Variants in LAMC2 observed in about 807,000 individuals in gnomAD.
LAMC2 encodes the protein laminin subunit gamma 2.
A neutral mutation model predicts 140.2 loss-of-function variants in LAMC2; 97 were observed. The observed-to-expected ratio is 0.69, with a 90% CI of 0.59 to 0.82. The LOEUF is 0.82. Ranked by LOEUF, LAMC2 falls within the 40% of genes least tolerant of loss-of-function variation. The pLI is 0.00. For missense variants in LAMC2, 1,402 were observed against 1,476.1 expected, an observed-to-expected ratio of 0.95 and a Z score of 0.82; for synonymous variants, 513 against 540.2, an observed-to-expected ratio of 0.95 and a Z score of 0.70.
the LAMC2 span, chr1:183,252,677 G>A: frequency 6.2e-7 from 1 of 1,614,138 alleles, no homozygotes; most frequent in Non-Finnish European, 8.5e-7. Context: ...GGCTTTTGAG[G>A]ATGTAGTCGA....
Position 183,216,454 on chromosome 1 carries a change from C to G in LAMC2, c.404+866C>G, listed in dbSNP as rs540939011. Among the ~76,000 whole-genome samples the G allele has an allele frequency of 9.2e-5, 14 of 152,278 alleles. 1 individual carries two copies. In the South Asian group the frequency reaches 2.7e-3, roughly 29 times the overall value. ...TATCAAGGTCCTGCAAGGTCCTCCTCCCTCTCCACCCTCAGCCTAGGTGCC... is the reference window on the plus strand; with the variant it reads ...TATCAAGGTCCTGCAAGGTCCTCCTGCCTCTCCACCCTCAGCCTAGGTGCC... On this transcript the variant is annotated intron_variant, in intron 3 of 22. Coordinates refer to ENST00000264144, the MANE Select transcript of LAMC2 (RefSeq NM_005562.3).
chr1:183,226,915 A>T lies in LAMC2; in HGVS notation c.1284A>T (p.Thr428=). Residue 428 remains threonine (T), a splice_region_variant and synonymous_variant, in exon 9 of 23, where the codon ACA becomes ACT. Coordinates refer to ENST00000264144, the MANE Select transcript of LAMC2 (RefSeq NM_005562.3). ...GGGGAGGGGCCTGTGATCCAGACAC[A>T]GGTGAGTGAAATGACACCTGGACCA... The part of the protein sequence containing the change: ...CQGGGACDPD[T]GDCYSGDENP... 6.2e-7 allele frequency: 1 copy of T among 1,612,872 alleles called. No homozygotes were observed. Among genetic ancestry groups the T allele is most frequent in the Non-Finnish European group, 8.5e-7 (1 of 1,179,092 alleles).
chr1:183,234,759 G>C (rs1191793751), intron 15 of LAMC2, among the ~76,000 whole-genome samples: 1 of 152,186 alleles, frequency 6.6e-6, no homozygotes, highest in African/African-American at 2.4e-5. Context: ...GCCCTTGGAA[G>C]AGAAAGCTCT....
At chr1:183,255,508 G>A in the LAMC2 span, among the ~76,000 whole-genome samples, 2 of 151,852 alleles carry the variant, frequency 1.3e-5, no homozygotes, top group African/African-American at 4.8e-5. Context: ...ATTTCTTTAG[G>A]TAGCATGGAC....
chr1:183,245,387 T>G (rs1660220547), downstream of LAMC2, among the ~76,000 whole-genome samples: 1 of 152,236 alleles, frequency 6.6e-6, no homozygotes, highest in Non-Finnish European at 1.5e-5. Flanking sequence ...TTTGTAATCC[T>G]GTCTTGGCAT....
At chr1:183,245,532 A>G (rs752754403), downstream of LAMC2, among the ~76,000 whole-genome samples, 12 of 152,236 alleles carry the variant, frequency 7.9e-5, no homozygotes, top group Non-Finnish European at 1.8e-4. Context: ...TGGCCATTCC[A>G]GCTGGTTGTC....
intron 16 of LAMC2, 80 bp downstream of exon 16, chr1:183,235,810 AC>A: frequency 7.0e-7 from 1 of 1,431,028 alleles, no homozygotes; most frequent in African/African-American, 1.4e-5. Flanking sequence ...CTTGAGGGGC[AC>A]CATGCTAGTT....
rs760239478 is a variant in LAMC2, at chr1:183,225,758, G to T, written c.1066+38G>T. On this transcript the variant is annotated intron_variant, in intron 8 of 22. Coordinates refer to ENST00000264144, the MANE Select transcript of LAMC2 (RefSeq NM_005562.3). ...GAGAAATTAATTTCTTTCTTCTTAG[G>T]TGTTAGTTTAATTTGATTCAGCTCT... 1.0e-5 allele frequency: 14 copies of T among 1,400,828 alleles called. No homozygotes were observed. The East Asian group carries it at 3.0e-4, about 30-fold the overall frequency. The allele number at this position is 1,400,828 out of a possible 1,614,324, so 86.8% of individuals were successfully genotyped here.
the LAMC2 span, among the ~76,000 whole-genome samples, chr1:183,255,634 A>C: frequency 7.1e-6 from 1 of 140,072 alleles, no homozygotes; most frequent in Non-Finnish European, 1.6e-5. Context: ...CAGATTTTTC[A>C]CTTCCTTTGT....
chr1:183,195,148 C>T (rs1658475247), intron 1 of LAMC2, among the ~76,000 whole-genome samples: 1 of 152,348 alleles, frequency 6.6e-6, no homozygotes, highest in Middle Eastern at 3.4e-3. Context: ...TCCCTGTTCA[C>T]TGGGACTTTC....
In LAMC2 at chr1:183,244,000, A is replaced by G. The variant is rs77018464; in HGVS notation, c.*600A>G. On this transcript the variant is annotated 3_prime_UTR_variant, in exon 23 of 23. Transcript: ENST00000264144. ...AGCAGTGTTGGAGTGAGGACCTGTA[A>G]GGCAGGCCCATTCAGAGCTATGGTG... 2,178 of 157,668 alleles carry G rather than the reference A, an allele frequency of 0.014. 58 individuals carry two copies. The highest frequency in any genetic ancestry group is 0.049 in the African/African-American group (2,033 of 41,590). 9.8% of individuals were successfully genotyped at this position (157,668 alleles called of 1,614,324 possible).
At chr1:183,258,025 TG>T in the LAMC2 span, among the ~76,000 whole-genome samples, 2 of 152,206 alleles carry the variant, frequency 1.3e-5, no homozygotes, top group African/African-American at 4.8e-5. Flanking sequence ...TTTATCCTTT[TG>T]GGTTCCTCTG....
At chr1:183,225,550 A>G (rs1011610652) in intron 7 of LAMC2, 58 bp from the exon 8 acceptor site, 3 of 1,160,484 alleles carry the variant, frequency 2.6e-6, no homozygotes, top group Non-Finnish European at 3.9e-6. Flanking sequence ...ATAATTTATA[A>G]CAGGTAGGTA....
At chr1:183,232,962 TTCTGA>T in intron 14 of LAMC2, 105 bp downstream of exon 14, 1 of 1,045,454 alleles carries the variant, frequency 9.6e-7, no homozygotes, top group Non-Finnish European at 1.5e-6. Flanking sequence ...CACTTTCTGT[TTCTGA>T]TCTACCTGAC....
the LAMC2 span, among the ~76,000 whole-genome samples, chr1:183,258,408 G>A: frequency 6.6e-6 from 1 of 152,154 alleles, no homozygotes; most frequent in African/African-American, 2.4e-5. Flanking sequence ...CAGTGAAAGA[G>A]ATCTAACTTA....
intron 7 of LAMC2, among the ~76,000 whole-genome samples, chr1:183,224,062 T>C (rs137911043): frequency 6.6e-6 from 1 of 152,048 alleles, no homozygotes; most frequent in Non-Finnish European, 1.5e-5. Context: ...CATAATACAG[T>C]AGGATAATTG....
Position 183,207,996 on chromosome 1 carries a change from C to T in LAMC2, c.195C>T (p.Cys65=). The T allele has an allele frequency of 1.2e-6, 2 of 1,614,060 alleles. No homozygotes were observed. Among genetic ancestry groups the T allele is most frequent in the South Asian group, 2.2e-5 (2 of 91,080 alleles). ...NCNDNTDGIH[C]EKCKNGFYRH... is the part of the protein sequence containing the mutation. ...ATGACAACACTGATGGCATTCACTG[C>T]GAGAAGTGCAAGAATGGCTTTTACC... is the stretch of plus-strand genomic sequence containing the variant. The change falls in exon 2 of 23, where the codon TGC becomes TGT. Residue 65 remains cysteine (C), a synonymous_variant. Coordinates refer to ENST00000264144, the MANE Select transcript of LAMC2 (RefSeq NM_005562.3).
chr1:183,232,916 A>G, intron 14 of LAMC2, 59 bp downstream of exon 14: 2 of 1,493,186 alleles, frequency 1.3e-6, no homozygotes, highest in East Asian at 4.5e-5. Context: ...ACCTACTTGT[A>G]GATCTCACTG....
chr1:183,216,118 C>T (rs1186162361), intron 3 of LAMC2, among the ~76,000 whole-genome samples: 1 of 152,188 alleles, frequency 6.6e-6, no homozygotes, highest in Non-Finnish European at 1.5e-5. Context: ...GTTGGGATGG[C>T]TTGGCAGGGG....
Sources: gnomAD v4.1 joint callset for allele counts (sites outside exome capture counted in the v4.1 genomes callset) on GRCh38, gnomAD v4.1.1 for gene constraint, MANE v1.5 for transcripts, NCBI Gene and HGNC (gene_info 2026-07-23, HGNC 2026-07-21) for gene names.